The following C6orf62 variants were observed in gnomAD, a reference collection of about 807,000 sequenced individuals.
The protein encoded by C6orf62 is chromosome 6 open reading frame 62.
In C6orf62, 16 loss-of-function variants were observed where a neutral mutation model predicts 26.8. The ratio of observed to expected loss-of-function variants is 0.60; its 90% confidence interval spans 0.40 to 0.91. C6orf62 has a LOEUF of 0.91. Among genes scored for constraint, C6orf62 ranks in the 40% least tolerant of loss-of-function variants. C6orf62 has a pLI of 0.00. For synonymous variants in C6orf62, 112 were observed against 91.5 expected (o/e 1.22, Z -1.28); for missense variants, 192 against 271.4 (o/e 0.71, Z 2.06).
At chr6:24,707,699 C>T (rs1487010534) in intron 4 of C6orf62, among the ~76,000 whole-genome samples, 2 of 152,058 alleles carry the variant, frequency 1.3e-5, no homozygotes, top group East Asian at 3.9e-4. Flanking sequence ...ATATGTCCCT[C>T]ATCCTTTTAG....
upstream of C6orf62, chr6:24,719,636 C>T: frequency 7.0e-7 from 1 of 1,435,942 alleles, no homozygotes; most frequent in Non-Finnish European, 9.1e-7. Flanking sequence ...CCCGGGTTCC[C>T]AACACCCCCA....
chr6:24,718,387 G>C (rs28613913), intron 1 of C6orf62, among the ~76,000 whole-genome samples, 153 bp downstream of exon 1: 1 of 152,032 alleles, frequency 6.6e-6, no homozygotes, highest in Admixed American at 6.5e-5. Flanking sequence ...TCAATTCACA[G>C]AATCACCCCT....
intron 2 of C6orf62, among the ~76,000 whole-genome samples, chr6:24,715,172 T>C (rs893080904): frequency 1.3e-5 from 2 of 152,242 alleles, no homozygotes; most frequent in Non-Finnish European, 2.9e-5. Flanking sequence ...ACTACTTTTC[T>C]CCATTCCTGA....
chr6:24,714,267 T>A (rs563007202), intron 3 of C6orf62, 51 bp downstream of exon 3: 1 of 1,464,926 alleles, frequency 6.8e-7, no homozygotes, highest in Non-Finnish European at 9.3e-7. Context: ...CCTATTATAT[T>A]CTAGTAGTTT....
upstream of C6orf62, chr6:24,719,179 AC>A: frequency 1.1e-6 from 1 of 911,468 alleles, no homozygotes; most frequent in Non-Finnish European, 1.3e-6. Context: ...AAAAAAACTC[AC>A]CAAAACCAAA....
intron 2 of C6orf62, 24 bp from the exon 3 acceptor site, chr6:24,714,464 A>AC (rs772563418): frequency 1.9e-6 from 3 of 1,542,588 alleles, no homozygotes; most frequent in Non-Finnish European, 2.6e-6. Flanking sequence ...AAAAAAAAAA[A>AC]AGTTTACTTT....
chr6:24,708,167 T>A (rs1484475236), intron 4 of C6orf62, among the ~76,000 whole-genome samples: 1 of 151,608 alleles, frequency 6.6e-6, no homozygotes, highest in East Asian at 1.9e-4. Flanking sequence ...ACACATCTGG[T>A]AGACACGCTT....
Position 24,705,897 on chromosome 6 carries a change from G to A in C6orf62, c.*240C>T, listed in dbSNP as rs1778997619. On this transcript the variant is annotated 3_prime_UTR_variant, in exon 5 of 5. Transcript: ENST00000378119. Reference sequence around the variant, plus strand: ...TTCACATTTTTAGTAAGATACTGATGCAGTGCAGCAAATATGCAAAGCATC... The same window carrying A: ...TTCACATTTTTAGTAAGATACTGATACAGTGCAGCAAATATGCAAAGCATC... The A allele has an allele frequency of 7.4e-6, 3 of 402,978 alleles. No homozygotes were observed. The highest frequency in any genetic ancestry group is 1.3e-5 in the Non-Finnish European group (3 of 230,136). The allele number at this position is 402,978 out of a possible 1,614,324, so 25.0% of individuals were successfully genotyped here.
At chr6:24,718,093 AAATGT>A (rs1359143369) in intron 1 of C6orf62, among the ~76,000 whole-genome samples, 2 of 152,236 alleles carry the variant, frequency 1.3e-5, no homozygotes, top group African/African-American at 4.8e-5. Flanking sequence ...CTACTTCATT[AAATGT>A]AAGAGAAAAG....
intron 3 of C6orf62, chr6:24,710,681 G>A: frequency 2.1e-6 from 2 of 946,562 alleles, no homozygotes; most frequent in Non-Finnish European, 2.5e-6. Context: ...ATTTCCCCAG[G>A]ACAAAGTAGT....
chr6:24,711,691 C>CA lies in C6orf62; in HGVS notation c.429+2626dup, dbSNP rs201736070. The stretch of plus-strand genomic sequence containing the variant: ...GCTTTAAGAGTCAAAAAACAAAAAA[C>CA]AAAAAAAAGAGGCCTGCAAGTTAAC... On this transcript the variant is annotated intron_variant, in intron 3 of 4. Coordinates refer to ENST00000378119, the MANE Select transcript of C6orf62 (RefSeq NM_030939.5). 8.5e-4 allele frequency among the ~76,000 whole-genome samples: 127 copies of CA among 150,290 alleles called. 1 individual carries two copies. The highest frequency in any genetic ancestry group is 2.4e-3 in the African/African-American group (98 of 40,888).
chr6:24,706,101 C>T lies in C6orf62; in HGVS notation c.*36G>A. 2 of 1,601,592 alleles carry T rather than the reference C, an allele frequency of 1.2e-6. No individual in the cohort carries two copies. The highest frequency in any genetic ancestry group is 1.1e-5 in the South Asian group (1 of 88,824). Reference sequence around the variant, plus strand: ...AAAACAAGAAAAAAAACTGCTGCTGCATTCTCTGATCTTCTCCATTTTGCT... The same window carrying T: ...AAAACAAGAAAAAAAACTGCTGCTGTATTCTCTGATCTTCTCCATTTTGCT... On this transcript the variant is annotated 3_prime_UTR_variant, in exon 5 of 5. Coordinates refer to ENST00000378119, the MANE Select transcript of C6orf62 (RefSeq NM_030939.5).
At position 24,707,973 on chromosome 6, in the gene C6orf62, G is replaced by T. The variant is rs1055162770; in HGVS notation, c.564+804C>A. Among the ~76,000 whole-genome samples, 3 of 151,560 alleles carry T rather than the reference G, an allele frequency of 2.0e-5. No individual in the cohort carries two copies. The South Asian group carries it at 6.3e-4, about 32-fold the overall frequency. ...TTGCAGCGAACTGAGATTGCGCCAC[G>T]GCACTCCAGCCTGGGCGACAGAGAC... On this transcript the variant is annotated intron_variant, in intron 4 of 4. Transcript: ENST00000378119.
intron 1 of C6orf62, among the ~76,000 whole-genome samples, chr6:24,716,616 A>G (rs1167400598): frequency 2.0e-5 from 3 of 152,204 alleles, no homozygotes; most frequent in South Asian, 2.1e-4. Flanking sequence ...AAATCTCACC[A>G]GTTTTAAAAC....
chr6:24,706,613 A>C, intron 4 of C6orf62: 1 of 198,150 alleles, frequency 5.0e-6, no homozygotes, highest in Non-Finnish European at 1.0e-5. Flanking sequence ...AGGATGAAGG[A>C]ATAGGTAAAA....
chr6:24,708,522 G>A (rs1248936799), intron 4 of C6orf62, among the ~76,000 whole-genome samples: 1 of 152,064 alleles, frequency 6.6e-6, no homozygotes, highest in Non-Finnish European at 1.5e-5. Flanking sequence ...ATTTTCTGTA[G>A]AGATGGGGTT....
intron 3 of C6orf62, among the ~76,000 whole-genome samples, chr6:24,713,991 TAGA>T (rs1779176053): frequency 6.6e-6 from 1 of 152,232 alleles, no homozygotes; most frequent in South Asian, 2.1e-4. Context: ...TATACGGTTT[TAGA>T]AGGATGTGTG....
Position 24,714,397 on chromosome 6 carries a change from G to C in C6orf62, c.350C>G (p.Pro117Arg). ...CTQEMDFILW[P>R]RNDIEKIVCL... ...GACGATTTTTTCAATATCATTCCGA[G>C]GCCAAAGAATGAAATCCATCTCCTG... is the stretch of plus-strand genomic sequence containing the variant. The change falls in exon 3 of 5, where the codon CCT (proline) becomes CGT (arginine). Residue 117 changes from proline to arginine, a missense_variant. Transcript: ENST00000378119. 6.2e-7 allele frequency: 1 copy of C among 1,607,866 alleles called. No homozygotes were observed. Among genetic ancestry groups the C allele is most frequent in the Non-Finnish European group, 8.5e-7 (1 of 1,176,668 alleles).
At chr6:24,711,646 A>T (rs1176748888) in intron 3 of C6orf62, among the ~76,000 whole-genome samples, 3 of 152,098 alleles carry the variant, frequency 2.0e-5, no homozygotes, top group African/African-American at 7.2e-5. Context: ...AATTAATTAA[A>T]TTTTAAAAAT....
Sources: gnomAD v4.1 joint callset for allele counts (sites outside exome capture counted in the v4.1 genomes callset) on GRCh38, gnomAD v4.1.1 for gene constraint, MANE v1.5 for transcripts, NCBI Gene and HGNC (gene_info 2026-07-23, HGNC 2026-07-21) for gene names.